The following P2RX1 variants were observed in gnomAD, a reference collection of about 807,000 sequenced individuals.
P2RX1 encodes purinergic receptor P2X 1.
P2RX1 carries 42 observed loss-of-function variants against 50.3 expected under a neutral mutation model. That is an observed-to-expected ratio of 0.83 (90% CI 0.65 to 1.08). The LOEUF (loss-of-function observed/expected upper bound fraction) is 1.08, where lower values mean the gene tolerates loss of function less well. Ranked by LOEUF, P2RX1 falls within the 50% of genes least tolerant of loss-of-function variation. P2RX1 has a pLI of 0.00. For missense variants in P2RX1, 449 were observed against 529.0 expected, an observed-to-expected ratio of 0.85 and a Z score of 1.48; for synonymous variants, 199 against 202.6, an observed-to-expected ratio of 0.98 and a Z score of 0.15.
intron 1 of P2RX1, among the ~76,000 whole-genome samples, chr17:3,907,155 T>C (rs943747352): frequency 5.9e-5 from 9 of 152,340 alleles, no homozygotes; most frequent in African/African-American, 1.7e-4. Context: ...CGTAAACCAA[T>C]AAATGTCCTT....
At chr17:3,905,097 G>A (rs1020196089) in intron 2 of P2RX1, 123 bp downstream of exon 2, 7 of 1,372,918 alleles carry the variant, frequency 5.1e-6, no homozygotes, top group South Asian at 1.2e-5. Context: ...GCTTCTGCCC[G>A]GCATTCACAG....
At chr17:3,913,452 C>T (rs1479901396) in intron 1 of P2RX1, among the ~76,000 whole-genome samples, 1 of 152,196 alleles carries the variant, frequency 6.6e-6, no homozygotes, top group African/African-American at 2.4e-5. Flanking sequence ...TTAACTGGAT[C>T]TGAGAGGGTC....
Position 3,903,098 on chromosome 17 carries a change from C to CA in P2RX1, c.747+103dup. On this transcript the variant is annotated intron_variant, in intron 7 of 11. Transcript: ENST00000225538. The surrounding 1 kb of genome is among the most constrained non-coding windows in gnomAD (Gnocchi z 4.6). ...CAGGGGACAGACCCATACATATACT[C>CA]AGCCCTCACCGAGGAGACTTGGGAA... 6.7e-7 allele frequency: 1 copy of CA among 1,502,316 alleles called. No individual in the cohort carries two copies. The highest frequency in any genetic ancestry group is 9.1e-7 in the Non-Finnish European group (1 of 1,097,866). The allele number at this position is 1,502,316 out of a possible 1,614,324, so 93.1% of individuals were successfully genotyped here.
intron 7 of P2RX1, among the ~76,000 whole-genome samples, chr17:3,901,767 GCA>G: frequency 6.6e-6 from 1 of 152,026 alleles, no homozygotes; most frequent in Admixed American, 6.6e-5. Context: ...CACGCGCCAG[GCA>G]GCGAGGCACG....
At chr17:3,905,514 CT>C (rs2056246760) in intron 1 of P2RX1, 147 bp from the exon 2 acceptor site, 2 of 817,896 alleles carry the variant, frequency 2.4e-6, no homozygotes, top group Non-Finnish European at 3.8e-6. Flanking sequence ...ACAGCCTCCC[CT>C]GCCTCCCGCT....
At chr17:3,911,932 C>T (rs1292209923) in intron 1 of P2RX1, among the ~76,000 whole-genome samples, 2 of 152,176 alleles carry the variant, frequency 1.3e-5, no homozygotes, top group Non-Finnish European at 2.9e-5. Flanking sequence ...GGCACGGGAC[C>T]CGACCCCGGC....
At chr17:3,901,271 G>A (rs549340288) in intron 7 of P2RX1, among the ~76,000 whole-genome samples, 37 of 152,342 alleles carry the variant, frequency 2.4e-4, no homozygotes, top group Admixed American at 1.2e-3. Flanking sequence ...GTTTCACCGT[G>A]TTAGCCAGGA....
intron 1 of P2RX1, among the ~76,000 whole-genome samples, chr17:3,906,192 C>T (rs928949760): frequency 1.3e-5 from 2 of 152,126 alleles, no homozygotes; most frequent in African/African-American, 4.8e-5. Context: ...AGTACAGCGG[C>T]GCCATCTCGG....
intron 1 of P2RX1, among the ~76,000 whole-genome samples, chr17:3,910,757 C>A (rs905036944): frequency 6.6e-6 from 1 of 152,202 alleles, no homozygotes; most frequent in Admixed American, 6.5e-5. Flanking sequence ...GAACTGGGGC[C>A]CACCCTGAGG....
intron 11 of P2RX1, 23 bp from the exon 12 acceptor site, chr17:3,897,902 G>C (rs367959624): frequency 5.0e-6 from 8 of 1,613,584 alleles, no homozygotes; most frequent in African/African-American, 2.7e-5. Flanking sequence ...TGCAAGGGTT[G>C]GGGGATACAA....
At chr17:3,897,968 C>T (rs772008619) in intron 11 of P2RX1, 41 bp downstream of exon 11, 13 of 1,610,016 alleles carry the variant, frequency 8.1e-6, no homozygotes, top group African/African-American at 8.0e-5. Flanking sequence ...GACACAAGCG[C>T]CGGAGGCCTT....
Position 3,916,412 on chromosome 17 carries a change from G to T in P2RX1, c.-187C>A. On this transcript the variant is annotated 5_prime_UTR_variant, in exon 1 of 12. Transcript: ENST00000225538. ...GTCAGCTGGAGGCACTTGGGTTGGA[G>T]AGAGAATCCCTGGGTGATCAGAGCA... The T allele has an allele frequency of 1.6e-6, 1 of 621,668 alleles. No individual in the cohort carries two copies. The highest frequency in any genetic ancestry group is 2.8e-6 in the Non-Finnish European group (1 of 356,094). 38.5% of individuals were successfully genotyped at this position (621,668 alleles called of 1,614,324 possible).
Position 3,897,427 on chromosome 17 carries a change from A to G in P2RX1, c.*387T>C. ...TTTCATTCTATTTTATTTTAGTTTA[A>G]TTTAGTCACCTATGGTTACTGACTG... On this transcript the variant is annotated 3_prime_UTR_variant, in exon 12 of 12. Transcript: ENST00000225538. 1 of 312,746 alleles carries G rather than the reference A, an allele frequency of 3.2e-6. No individual in the cohort carries two copies. The highest frequency in any genetic ancestry group is 4.3e-5 in the Admixed American group (1 of 23,508). The allele number at this position is 312,746 out of a possible 1,614,324, so 19.4% of individuals were successfully genotyped here.
chr17:3,909,451 G>C (rs1455871745), intron 1 of P2RX1, among the ~76,000 whole-genome samples: 1 of 151,998 alleles, frequency 6.6e-6, no homozygotes, highest in Non-Finnish European at 1.5e-5. Flanking sequence ...ATGTTGATCC[G>C]CCCCCATTCC....
chr17:3,898,916 C>G lies in P2RX1; in HGVS notation c.966+18G>C. On this transcript the variant is annotated intron_variant, in intron 9 of 11. Transcript: ENST00000225538. ...AGAATGTGTCTCAGCTGCCACCACC[C>G]TCACACTGGACACTCACCTTGCCGT... 1 of 1,599,218 alleles carries G rather than the reference C, an allele frequency of 6.3e-7. No individual in the cohort carries two copies. Among genetic ancestry groups the G allele is most frequent in the South Asian group, 1.1e-5 (1 of 90,780 alleles).
chr17:3,898,544 C>G lies in P2RX1; in HGVS notation c.972G>C (p.Gly324=). 6.2e-7 allele frequency: 1 copy of G among 1,613,770 alleles called. No homozygotes were observed. The change falls in exon 10 of 12, where the codon GGG becomes GGC. Residue 324 remains glycine, a synonymous_variant. Transcript: ENST00000225538. ...RFDILVDGKA[G]KFDIIPTMTT... ...TCATTGTAGGGATGATGTCAAACTT[C>G]CCGGCCTGGTGGCAGGACCCAGGGA...
At chr17:3,898,596 C>G (rs2056077521) in intron 9 of P2RX1, 47 bp from the exon 10 acceptor site, 8 of 1,496,010 alleles carry the variant, frequency 5.3e-6, no homozygotes, top group African/African-American at 1.4e-5. Context: ...CGGAAGGGGC[C>G]CAGCTGGAAA....
At position 3,904,177 on chromosome 17, in the gene P2RX1, C is replaced by T. The variant is rs570690060; in HGVS notation, c.427+153G>A. Among the ~76,000 whole-genome samples the T allele has an allele frequency of 5.6e-4, 85 of 152,180 alleles. 1 individual carries two copies. The highest frequency in any genetic ancestry group is 5.8e-4 in the East Asian group (3 of 5,154). ...CCCGGACGGGCAGGCCAAGCCAGGG[C>T]GGAGGAGGGGAGACGGCAGGAGGGA... On this transcript the variant is annotated intron_variant, in intron 4 of 11. Coordinates refer to ENST00000225538, the MANE Select transcript of P2RX1 (RefSeq NM_002558.4).
Position 3,897,999 on chromosome 17 carries a change from G to A in P2RX1, c.1134+10C>T, listed in dbSNP as rs200112505. 46 of 1,613,272 alleles carry A rather than the reference G, an allele frequency of 2.9e-5. No homozygotes were observed. The highest frequency in any genetic ancestry group is 3.3e-4 in the Middle Eastern group (2 of 6,060). On this transcript the variant is annotated intron_variant, in intron 11 of 11. Transcript: ENST00000225538. ...GCCTTCGAAGGGCCTGGCTCGGGGG[G>A]TTCTCTTACCGCCCCTGGCCCCATG...
Sources: gnomAD v4.1 joint callset for allele counts (sites outside exome capture counted in the v4.1 genomes callset) on GRCh38, gnomAD v4.1.1 for gene constraint, Gnocchi (gnomAD v3.1) non-coding constraint, MANE v1.5 for transcripts, NCBI Gene and HGNC (gene_info 2026-07-23, HGNC 2026-07-21) for gene names.